SLC39A11: variants seen among roughly 807,000 people sequenced by gnomAD.
SLC39A11 encodes the protein zinc transporter ZIP11.
A neutral mutation model predicts 36.1 loss-of-function variants in SLC39A11; 33 were observed. That is an observed-to-expected ratio of 0.91 (90% CI 0.69 to 1.22). The LOEUF is 1.22. SLC39A11 is among the 50% of genes most tolerant of loss of function. The pLI, the probability that SLC39A11 is intolerant of heterozygous loss-of-function variation, is 0.00. For synonymous variants in SLC39A11, 166 were observed against 170.3 expected, an observed-to-expected ratio of 0.97 and a Z score of 0.20; for missense variants, 432 against 430.3, an observed-to-expected ratio of 1.00 and a Z score of -0.03.
At chr17:72,932,121 T>C (rs1367769445) in intron 5 of SLC39A11, among the ~76,000 whole-genome samples, 1 of 152,130 alleles carries the variant, frequency 6.6e-6, no homozygotes. Flanking sequence ...CTAACATTCA[T>C]TGAGAGCATA....
intron 4 of SLC39A11, among the ~76,000 whole-genome samples, chr17:72,955,298 CTTTTTTTT>C (rs71359751): frequency 4.6e-5 from 3 of 65,580 alleles, no homozygotes; most frequent in African/African-American, 6.0e-5. Flanking sequence ...TTTCAGTTCT[CTTTTTTTT>C]TTTTTTTTTT....
At chr17:72,983,433 G>T (rs1169448980) in intron 4 of SLC39A11, among the ~76,000 whole-genome samples, 1 of 152,224 alleles carries the variant, frequency 6.6e-6, no homozygotes, top group East Asian at 1.9e-4. Flanking sequence ...ACAGGTATGA[G>T]CCACTGTGCC....
At chr17:72,976,632 C>T (rs1176456751) in intron 4 of SLC39A11, among the ~76,000 whole-genome samples, 3 of 152,178 alleles carry the variant, frequency 2.0e-5, no homozygotes, top group Non-Finnish European at 4.4e-5. Context: ...AGGCGGATCA[C>T]GAGGTCAGGA....
intron 5 of SLC39A11, among the ~76,000 whole-genome samples, chr17:72,886,869 G>C (rs564507492): frequency 6.6e-6 from 1 of 152,112 alleles, no homozygotes; most frequent in Non-Finnish European, 1.5e-5. Flanking sequence ...CCCTCCTAGG[G>C]TGCTCCCTCT....
At chr17:72,917,980 C>T (rs11871522) in intron 5 of SLC39A11, among the ~76,000 whole-genome samples, 21,331 of 152,228 alleles carry the variant, frequency 0.14, 1,877 homozygotes, top group Non-Finnish European at 0.2. Flanking sequence ...CTCACCTCAT[C>T]GGCACTGTTA....
At chr17:73,009,101 C>T (rs1173597380) in intron 4 of SLC39A11, among the ~76,000 whole-genome samples, 5 of 149,176 alleles carry the variant, frequency 3.4e-5, no homozygotes, top group African/African-American at 7.4e-5. Flanking sequence ...GGGTGGCTCA[C>T]GCCTGTAATT....
intron 5 of SLC39A11, among the ~76,000 whole-genome samples, chr17:72,862,854 CTG>C (rs1305994066): frequency 6.6e-6 from 1 of 152,156 alleles, no homozygotes; most frequent in African/African-American, 2.4e-5. Context: ...CGGGAGCAGA[CTG>C]TGAGTAGCTG....
At chr17:72,972,719 T>C (rs763892339) in intron 4 of SLC39A11, among the ~76,000 whole-genome samples, 3 of 152,134 alleles carry the variant, frequency 2.0e-5, no homozygotes, top group Non-Finnish European at 4.4e-5. Flanking sequence ...CTTCCCAGAC[T>C]GTAGCAACCA....
At chr17:73,055,486 C>T (rs1220261542) in intron 3 of SLC39A11, among the ~76,000 whole-genome samples, 7 of 151,344 alleles carry the variant, frequency 4.6e-5, no homozygotes, top group Non-Finnish European at 1.0e-4. Flanking sequence ...GGCTGGAGTG[C>T]AGTGGTACAA....
intron 6 of SLC39A11, among the ~76,000 whole-genome samples, chr17:72,836,630 C>T (rs537351382): frequency 5.9e-5 from 9 of 152,254 alleles, no homozygotes; most frequent in South Asian, 2.1e-4. Flanking sequence ...TGTGAGCCAC[C>T]GTGCCTGGTC....
intron 6 of SLC39A11, among the ~76,000 whole-genome samples, chr17:72,757,208 A>G (rs2075389862): frequency 6.6e-6 from 1 of 151,974 alleles, no homozygotes; most frequent in African/African-American, 2.4e-5. Flanking sequence ...TAAAAAGAAA[A>G]AAGTGGTTCA....
intron 5 of SLC39A11, among the ~76,000 whole-genome samples, chr17:72,923,933 C>T (rs2083862374): frequency 6.6e-6 from 1 of 150,920 alleles, no homozygotes; most frequent in South Asian, 2.1e-4. Context: ...TCTTTTGAGC[C>T]CAGGAGTTCA....
chr17:72,736,918 G>A (rs2074455519), intron 6 of SLC39A11, among the ~76,000 whole-genome samples, 199 bp from the exon 7 acceptor site: 1 of 152,132 alleles, frequency 6.6e-6, no homozygotes, highest in African/African-American at 2.4e-5. Context: ...CTGCAACCTA[G>A]GAATGATTTT....
chr17:72,768,423 CATT>C (rs2075824818), intron 6 of SLC39A11, among the ~76,000 whole-genome samples: 1 of 152,180 alleles, frequency 6.6e-6, no homozygotes, highest in Non-Finnish European at 1.5e-5. Context: ...ATAATCTTCT[CATT>C]GTTGTCATTT....
chr17:72,912,724 C>T (rs2083091637), intron 5 of SLC39A11, among the ~76,000 whole-genome samples: 2 of 152,186 alleles, frequency 1.3e-5, no homozygotes, highest in Admixed American at 1.3e-4. Flanking sequence ...GAGCATCTCA[C>T]TTGGTCCTGC....
intron 5 of SLC39A11, among the ~76,000 whole-genome samples, chr17:72,882,419 T>G (rs2081241327): frequency 6.7e-6 from 1 of 149,950 alleles, no homozygotes; most frequent in Non-Finnish European, 1.5e-5. Context: ...ACCACACGCA[T>G]GCACAATCCA....
chr17:72,811,646 T>C (rs1400346903), intron 6 of SLC39A11, among the ~76,000 whole-genome samples: 1 of 152,232 alleles, frequency 6.6e-6, no homozygotes, highest in Non-Finnish European at 1.5e-5. Flanking sequence ...TGAGCTTCAA[T>C]TTCCTCTTAC....
At chr17:72,949,680 C>G (rs930154987) in intron 4 of SLC39A11, among the ~76,000 whole-genome samples, 1 of 151,676 alleles carries the variant, frequency 6.6e-6, no homozygotes, top group Non-Finnish European at 1.5e-5. Flanking sequence ...CCCAAAGGTC[C>G]CACCTCCTAA....
chr17:73,017,210 T>TAGAATAAGTAAAATACTATG (rs2058197139), intron 4 of SLC39A11, among the ~76,000 whole-genome samples: 1 of 152,164 alleles, frequency 6.6e-6, no homozygotes, highest in Non-Finnish European at 1.5e-5. Flanking sequence ...CTTCCTATTT[T>TAGAATAAGTAAAATACTATG]AGAATAAGTA....
Sources: gnomAD v4.1 joint callset for allele counts (sites outside exome capture counted in the v4.1 genomes callset) on GRCh38, gnomAD v4.1.1 for gene constraint, MANE v1.5 for transcripts, NCBI Gene and HGNC (gene_info 2026-07-23, HGNC 2026-07-21) for gene names.